LYPD6: variants seen among roughly 807,000 people sequenced by gnomAD.
The protein encoded by LYPD6 is ly6/PLAUR domain-containing protein 6.
In LYPD6, 15 loss-of-function variants were observed where a neutral mutation model predicts 22.7. The ratio of observed to expected loss-of-function variants is 0.66; its 90% CI spans 0.44 to 1.02. The LOEUF is 1.02. Among genes scored for constraint, LYPD6 ranks in the 50% least tolerant of loss-of-function variants. The probability of loss-of-function intolerance (pLI) is 0.00; values close to 1 mark genes in which losing one functional copy is unlikely to be tolerated. For synonymous variants in LYPD6, 72 were observed against 77.5 expected (o/e 0.93, Z 0.37); for missense variants, 189 against 208.4 (o/e 0.91, Z 0.57).
rs1358151810 is a variant in LYPD6 at position 149,473,779 on chromosome 2, A to C, written c.*2929A>C. The stretch of plus-strand genomic sequence containing the variant: ...AAGAATACATGCATGAGAAGATACA[A>C]GACAATTCACCCATGCCAAATGATT... On this transcript the variant is annotated 3_prime_UTR_variant, in exon 5 of 5. Transcript: ENST00000334166. 1 of 152,214 alleles carries C rather than the reference A, an allele frequency of 6.6e-6. No individual in the cohort carries two copies. Among genetic ancestry groups the C allele is most frequent in the South Asian group, 2.1e-4 (1 of 4,832 alleles). The allele number at this position is 152,214 out of a possible 1,614,324, so 9.4% of individuals were successfully genotyped here.
chr2:149,369,180 A>G (rs1405729951), intron 1 of LYPD6, among the ~76,000 whole-genome samples: 1 of 152,066 alleles, frequency 6.6e-6, no homozygotes, highest in African/African-American at 2.4e-5. Context: ...ATGATAATCA[A>G]GGTTCCCGGG....
chr2:149,464,390 G>A (rs116500860), intron 3 of LYPD6: 4,008 of 241,378 alleles, frequency 0.017, 68 homozygotes, highest in Non-Finnish European at 0.02. Flanking sequence ...ATTTTTCATC[G>A]TGCATGGTCA....
chr2:149,460,135 A>G (rs1022591823), intron 3 of LYPD6, among the ~76,000 whole-genome samples: 4 of 152,146 alleles, frequency 2.6e-5, no homozygotes, highest in Non-Finnish European at 5.9e-5. Flanking sequence ...GGAATGTAAG[A>G]AAAAACAAAA....
At chr2:149,474,669 A>G (rs1049424447), downstream of LYPD6, among the ~76,000 whole-genome samples, 83 of 152,252 alleles carry the variant, frequency 5.5e-4, no homozygotes, top group Non-Finnish European at 1.1e-3. Flanking sequence ...CTCCGTGGAT[A>G]GTTCTGTCTT....
chr2:149,448,440 T>A (rs1464914558), intron 2 of LYPD6, among the ~76,000 whole-genome samples: 1 of 152,334 alleles, frequency 6.6e-6, no homozygotes, highest in African/African-American at 2.4e-5. Flanking sequence ...TTTTATCATG[T>A]GTAGGTTTGT....
chr2:149,379,133 G>A (rs1452750580), intron 1 of LYPD6, among the ~76,000 whole-genome samples: 3 of 152,150 alleles, frequency 2.0e-5, no homozygotes, highest in African/African-American at 2.4e-5. Context: ...CAGGCAGGAG[G>A]GCTGTGCATC....
At chr2:149,434,312 T>C (rs1683384430) in intron 1 of LYPD6, among the ~76,000 whole-genome samples, 1 of 152,182 alleles carries the variant, frequency 6.6e-6, no homozygotes, top group African/African-American at 2.4e-5. Flanking sequence ...AGTCGTTACT[T>C]TTTTCCAAAA....
At chr2:149,406,387 T>C (rs62190587) in intron 1 of LYPD6, among the ~76,000 whole-genome samples, 2 of 149,850 alleles carry the variant, frequency 1.3e-5, no homozygotes, top group Non-Finnish European at 3.0e-5. Context: ...TGTAGGTCAC[T>C]CAGGACTTGC....
chr2:149,340,582 G>A (rs1573727903), intron 1 of LYPD6, among the ~76,000 whole-genome samples: 1 of 152,188 alleles, frequency 6.6e-6, no homozygotes, highest in South Asian at 2.1e-4. Flanking sequence ...CAATTTTACC[G>A]GCTACACCAT....
chr2:149,401,747 G>C (rs1020407059), intron 1 of LYPD6, among the ~76,000 whole-genome samples: 1 of 151,950 alleles, frequency 6.6e-6, no homozygotes. Context: ...TTGGGGAACA[G>C]GTGGTGTTTG....
intron 1 of LYPD6, among the ~76,000 whole-genome samples, chr2:149,366,483 C>A (rs1365661402): frequency 6.6e-6 from 1 of 152,032 alleles, no homozygotes; most frequent in Non-Finnish European, 1.5e-5. Flanking sequence ...TTTGTTTTTA[C>A]AAGAGAACCA....
At chr2:149,448,654 A>C (rs1324152854) in intron 2 of LYPD6, among the ~76,000 whole-genome samples, 1 of 151,858 alleles carries the variant, frequency 6.6e-6, no homozygotes, top group Non-Finnish European at 1.5e-5. Flanking sequence ...GGCTTTATTC[A>C]CTCCAAATAA....
intron 1 of LYPD6, among the ~76,000 whole-genome samples, chr2:149,373,665 C>T (rs77312313): frequency 0.012 from 1,807 of 152,236 alleles, 16 homozygotes; most frequent in South Asian, 0.03. Context: ...GATTTCATAG[C>T]ATGGAGGCCA....
chr2:149,414,108 G>A (rs1312378537), intron 1 of LYPD6, among the ~76,000 whole-genome samples: 1 of 152,158 alleles, frequency 6.6e-6, no homozygotes, highest in Non-Finnish European at 1.5e-5. Context: ...AATAGGACTT[G>A]ATAAGCAATA....
chr2:149,450,746 T>C (rs1380127248), intron 3 of LYPD6, among the ~76,000 whole-genome samples: 2 of 152,232 alleles, frequency 1.3e-5, no homozygotes, highest in Non-Finnish European at 2.9e-5. Context: ...TGGCTGTCTA[T>C]TGAAATTACC....
chr2:149,385,784 T>C (rs1199849897), intron 1 of LYPD6, among the ~76,000 whole-genome samples: 1 of 152,082 alleles, frequency 6.6e-6, no homozygotes, highest in Admixed American at 6.6e-5. Context: ...TCTTTGTGTA[T>C]ACAGAAAGAG....
chr2:149,346,786 C>T lies in LYPD6; in HGVS notation c.-72+16064C>T, dbSNP rs563262690. On this transcript the variant is annotated intron_variant, in intron 1 of 4. Coordinates refer to ENST00000334166, the MANE Select transcript of LYPD6 (RefSeq NM_194317.5). ...CGTGATCTCGGCTCACTGCAACCTCCGCCTCCCGGGTTCTAGCGGTTCTCC... is the reference window on the plus strand; with the variant it reads ...CGTGATCTCGGCTCACTGCAACCTCTGCCTCCCGGGTTCTAGCGGTTCTCC... Among the ~76,000 whole-genome samples the T allele has an allele frequency of 5.3e-4, 81 of 152,252 alleles. 2 individuals are homozygous for T. In the East Asian group the frequency reaches 0.014, roughly 26 times the overall value.
intron 1 of LYPD6, among the ~76,000 whole-genome samples, chr2:149,350,137 C>T (rs1228889318): frequency 2.6e-5 from 4 of 152,158 alleles, no homozygotes; most frequent in Non-Finnish European, 5.9e-5. Flanking sequence ...AAATGAACCT[C>T]ATAAAAGAAT....
chr2:149,361,135 G>C (rs1440199211), intron 1 of LYPD6, among the ~76,000 whole-genome samples: 1 of 152,192 alleles, frequency 6.6e-6, no homozygotes, highest in Non-Finnish European at 1.5e-5. Flanking sequence ...CGAAAGGGTA[G>C]ATTTGAATTC....
Sources: gnomAD v4.1 joint callset for allele counts (sites outside exome capture counted in the v4.1 genomes callset) on GRCh38, gnomAD v4.1.1 for gene constraint, MANE v1.5 for transcripts, NCBI Gene and HGNC (gene_info 2026-07-23, HGNC 2026-07-21) for gene names.